Variants in PRKDC observed in about 807,000 individuals in gnomAD.
PRKDC encodes DNA-dependent protein kinase catalytic subunit.
In PRKDC, 82 loss-of-function variants were observed where a neutral mutation model predicts 486.9. That is an observed-to-expected ratio of 0.17 (90% CI 0.14 to 0.20). PRKDC has a LOEUF of 0.20. PRKDC is among the 10% of genes least tolerant of loss of function. The pLI is 1.00. For missense variants in PRKDC, 4,504 were observed against 5,038.2 expected (o/e 0.89, Z 3.21); for synonymous variants, 1,895 against 1,837.0 (o/e 1.03, Z -0.81).
intron 23 of PRKDC, 115 bp from the exon 24 acceptor site, chr8:47,914,179 A>G: frequency 1.2e-6 from 1 of 861,200 alleles, no homozygotes; most frequent in Non-Finnish European, 1.6e-6. Flanking sequence ...ATTAAAGTGA[A>G]GCACTTCATT....
chr8:47,805,581 A>G (rs1337735393), intron 69 of PRKDC, among the ~76,000 whole-genome samples: 2 of 152,192 alleles, frequency 1.3e-5, no homozygotes, highest in Non-Finnish European at 2.9e-5. Context: ...CCATTACATG[A>G]GTTGTCTTTA....
chr8:47,842,264 C>T (rs1055026622), intron 54 of PRKDC, among the ~76,000 whole-genome samples: 6 of 152,148 alleles, frequency 3.9e-5, no homozygotes, highest in Non-Finnish European at 7.4e-5. Context: ...CATCTCCCTT[C>T]CCCTACCCCC....
intron 74 of PRKDC, among the ~76,000 whole-genome samples, chr8:47,792,586 T>A (rs942510964): frequency 2.0e-5 from 3 of 151,952 alleles, no homozygotes; most frequent in African/African-American, 7.3e-5. Flanking sequence ...ATTGTACATT[T>A]AAAAATAACT....
intron 62 of PRKDC, among the ~76,000 whole-genome samples, chr8:47,827,385 G>A (rs1163764934): frequency 1.3e-5 from 2 of 151,996 alleles, no homozygotes; most frequent in Non-Finnish European, 2.9e-5. Context: ...ATACTAAAAT[G>A]AATCAAAAAG....
intron 62 of PRKDC, 80 bp downstream of exon 62, chr8:47,828,088 G>A (rs947381162): frequency 3.5e-5 from 48 of 1,379,550 alleles, no homozygotes; most frequent in Non-Finnish European, 4.2e-5. Context: ...GTCTCAACAC[G>A]GGAAACATAG....
At position 47,939,682 on chromosome 8, in the gene PRKDC, C is replaced by T; in HGVS notation, c.982G>A (p.Ala328Thr). The T allele has an allele frequency of 6.2e-7, 1 of 1,601,886 alleles. No individual in the cohort carries two copies. The highest frequency in any genetic ancestry group is 8.5e-7 in the Non-Finnish European group (1 of 1,174,378). The change falls in exon 11 of 86, where the codon GCG (alanine) becomes ACG (threonine). Residue 328 changes from alanine to threonine, a missense_variant. By Grantham distance (58) the Ala-to-Thr change is moderately conservative. Coordinates refer to ENST00000314191, the MANE Select transcript of PRKDC (RefSeq NM_006904.7). ...SFLKQVSNMV[A>T]KNAEMHKNKL... Reference sequence around the variant, plus strand: ...TTTTTATGCATTTCTGCATTTTTCGCCACCATATTAGAAACCTGCAAATAC... The same window carrying T: ...TTTTTATGCATTTCTGCATTTTTCGTCACCATATTAGAAACCTGCAAATAC...
chr8:47,819,304 A>G (rs757069280), intron 67 of PRKDC, 98 bp downstream of exon 67: 164 of 739,412 alleles, frequency 2.2e-4, no homozygotes, highest in Non-Finnish European at 3.3e-4. Flanking sequence ...CAACCCATAC[A>G]TTAAGAAACA....
At position 47,785,250 on chromosome 8, in the gene PRKDC, C is replaced by T. The variant is rs1563732956; in HGVS notation, c.10970G>A (p.Ser3657Asn). Residue 3657 changes from serine to asparagine, a missense_variant, in exon 77 of 86, where the codon AGT becomes AAT. By Grantham distance (46) the Ser-to-Asn change is conservative. This residue lies in a region of PRKDC where 706 missense variants were observed against 945.0 expected (regional missense o/e 0.75). Coordinates refer to ENST00000314191, the MANE Select transcript of PRKDC (RefSeq NM_006904.7). ...GGSKLLRMKL[S>N]DFNDITNMLL... Reference sequence around the variant, plus strand: ...CATGTTGGTAATGTCGTTGAAGTCACTGAGCTTCATTCTCAGTAGTTTAGA... The same window carrying T: ...CATGTTGGTAATGTCGTTGAAGTCATTGAGCTTCATTCTCAGTAGTTTAGA... The T allele has an allele frequency of 6.2e-7, 1 of 1,613,530 alleles. No homozygotes were observed.
intron 54 of PRKDC, among the ~76,000 whole-genome samples, chr8:47,848,306 T>TA (rs1181139519): frequency 6.6e-6 from 1 of 152,028 alleles, no homozygotes; most frequent in African/African-American, 2.4e-5. Context: ...TAGGCAGCCA[T>TA]AAAAAAGAAT....
intron 40 of PRKDC, among the ~76,000 whole-genome samples, chr8:47,874,350 T>C (rs1323976084): frequency 6.6e-6 from 1 of 152,210 alleles, no homozygotes; most frequent in Non-Finnish European, 1.5e-5. Context: ...CTGACCTGAT[T>C]ACACATTATA....
intron 22 of PRKDC, among the ~76,000 whole-genome samples, chr8:47,916,788 G>A (rs931059344): frequency 1.3e-5 from 2 of 152,082 alleles, no homozygotes; most frequent in South Asian, 2.1e-4. Flanking sequence ...CCTCACACAC[G>A]GAGTATTTTT....
chr8:47,795,823 C>T (rs2086974631), intron 73 of PRKDC, among the ~76,000 whole-genome samples: 2 of 151,400 alleles, frequency 1.3e-5, no homozygotes, highest in Admixed American at 6.6e-5. Flanking sequence ...GTGCTATATA[C>T]CTGTAGGATA....
chr8:47,847,129 T>C (rs953955144), intron 54 of PRKDC, among the ~76,000 whole-genome samples: 1 of 152,158 alleles, frequency 6.6e-6, no homozygotes. Flanking sequence ...TTTCACAGAA[T>C]TGGAAAAAAC....
chr8:47,821,556 C>T, intron 65 of PRKDC, 48 bp downstream of exon 65: 1 of 1,518,050 alleles, frequency 6.6e-7, no homozygotes, highest in Non-Finnish European at 9.0e-7. Flanking sequence ...AAGTAGAAAA[C>T]ACCTATCTAA....
In PRKDC at chr8:47,929,971, C is replaced by A; in HGVS notation, c.1934G>T (p.Trp645Leu). Reference sequence around the variant, plus strand: ...TAATTCATATGAAAATGAGTACACCCATGGTTCAAAAAATTCTGCTTGTTT... The same window carrying A: ...TAATTCATATGAAAATGAGTACACCAATGGTTCAAAAAATTCTGCTTGTTT... Reference protein sequence around the residue: ...PEKQAEFFEPWVYSFSYELIL... With the variant: ...PEKQAEFFEPLVYSFSYELIL... Residue 645 changes from tryptophan to leucine, a missense_variant, in exon 18 of 86, where the codon TGG becomes TTG. Physicochemically the swap from Trp to Leu is moderately conservative, Grantham distance 61. Transcript: ENST00000314191. 1 of 1,608,186 alleles carries A rather than the reference C, an allele frequency of 6.2e-7. No homozygotes were observed. The highest frequency in any genetic ancestry group is 8.5e-7 in the Non-Finnish European group (1 of 1,178,246).
At position 47,828,342 on chromosome 8, in the gene PRKDC, G is replaced by T; in HGVS notation, c.8403C>A (p.Asp2801Glu). The T allele has an allele frequency of 6.4e-7, 1 of 1,550,388 alleles. No homozygotes were observed. The highest frequency in any genetic ancestry group is 8.7e-7 in the Non-Finnish European group (1 of 1,150,754). ...TAAAGAGCTGTTTTGCAATTATTGG[G>T]TCCCTCTGTAAAAAATTCAAAACAA... ...ITPLQAVAQR[D>E]PIIAKQLFSS... is the part of the protein sequence containing the mutation. Residue 2801 changes from aspartate to glutamate, a missense_variant, in exon 62 of 86, where the codon GAC (aspartate) becomes GAA (glutamate). Physicochemically the swap from Asp to Glu is conservative, Grantham distance 45. This residue lies in a region of PRKDC where 1,592 missense variants were observed against 1,724.6 expected (regional missense o/e 0.92). Coordinates refer to ENST00000314191, the MANE Select transcript of PRKDC (RefSeq NM_006904.7).
chr8:47,815,138 C>T (rs1341096487), intron 68 of PRKDC, among the ~76,000 whole-genome samples: 1 of 151,898 alleles, frequency 6.6e-6, no homozygotes, highest in African/African-American at 2.4e-5. Flanking sequence ...AGAGTAAGAC[C>T]CTGTCTCAAA....
chr8:47,889,586 C>A (rs1490965928), intron 32 of PRKDC, among the ~76,000 whole-genome samples: 1 of 152,260 alleles, frequency 6.6e-6, no homozygotes, highest in African/African-American at 2.4e-5. Flanking sequence ...AGGCACCTGG[C>A]AGAGATTCCC....
intron 31 of PRKDC, 50 bp from the exon 32 acceptor site, chr8:47,890,530 C>A (rs377123741): frequency 1.5e-6 from 2 of 1,363,350 alleles, no homozygotes; most frequent in Admixed American, 2.2e-5. Context: ...TTCAACTCCA[C>A]TAAGATTAAC....
Sources: gnomAD v4.1 joint callset for allele counts (sites outside exome capture counted in the v4.1 genomes callset) on GRCh38, gnomAD v4.1.1 for gene constraint, gnomAD v4.1.1 regional missense constraint, MANE v1.5 for transcripts, NCBI Gene and HGNC (gene_info 2026-07-23, HGNC 2026-07-21) for gene names.